The following RIMKLB variants were observed in gnomAD, a reference collection of about 807,000 sequenced individuals.
The protein encoded by RIMKLB is beta-citrylglutamate synthase B.
In RIMKLB, 7 loss-of-function variants were observed where a neutral mutation model predicts 32.0. The ratio of observed to expected loss-of-function variants is 0.22; its 90% confidence interval spans 0.12 to 0.41. RIMKLB has a LOEUF of 0.41. Ranked by LOEUF, RIMKLB falls within the 10% of genes least tolerant of loss-of-function variation. The probability of loss-of-function intolerance (pLI) is 1.00; values close to 1 mark genes in which losing one functional copy is unlikely to be tolerated. For missense variants in RIMKLB, 289 were observed against 498.7 expected, an observed-to-expected ratio of 0.58 and a Z score of 4.00; for synonymous variants, 172 against 185.1, an observed-to-expected ratio of 0.93 and a Z score of 0.57.
intron 2 of RIMKLB, among the ~76,000 whole-genome samples, chr12:8,723,180 G>A (rs540122441): frequency 6.6e-6 from 1 of 152,148 alleles, no homozygotes; most frequent in African/African-American, 2.4e-5. Flanking sequence ...TCAATTTAAA[G>A]TAAGAGATTG....
chr12:8,707,229 C>T (rs1223822772), intron 1 of RIMKLB, among the ~76,000 whole-genome samples: 9 of 152,130 alleles, frequency 5.9e-5, no homozygotes, highest in Admixed American at 4.6e-4. Flanking sequence ...AAAACGACCC[C>T]GTACCATGCC....
At chr12:8,708,946 G>T (rs1489963531) in intron 1 of RIMKLB, among the ~76,000 whole-genome samples, 1 of 152,136 alleles carries the variant, frequency 6.6e-6, no homozygotes, top group Non-Finnish European at 1.5e-5. Flanking sequence ...TTCAGCATCT[G>T]ATATTTATAC....
intron 2 of RIMKLB, among the ~76,000 whole-genome samples, chr12:8,718,669 ATG>A (rs1182850325): frequency 0.11 from 12,798 of 115,834 alleles, 587 homozygotes; most frequent in Middle Eastern, 0.18. Context: ...ATATATATAT[ATG>A]TGTGTGTGTG....
chr12:8,707,995 T>C lies in RIMKLB; in HGVS notation c.-56-5816T>C, dbSNP rs1202672563. Reference sequence around the variant, plus strand: ...ATTAACTGACAAATGGAATAAATGCTATTAAAATTCTATCGTATGTTACAA... The same window carrying C: ...ATTAACTGACAAATGGAATAAATGCCATTAAAATTCTATCGTATGTTACAA... On this transcript the variant is annotated intron_variant, in intron 1 of 5. Transcript: ENST00000535829. 2.6e-5 allele frequency among the ~76,000 whole-genome samples: 4 copies of C among 152,220 alleles called. No homozygotes were observed. The East Asian group carries it at 7.7e-4, about 29-fold the overall frequency.
chr12:8,719,556 A>G (rs1945230657), intron 2 of RIMKLB, among the ~76,000 whole-genome samples: 1 of 151,974 alleles, frequency 6.6e-6, no homozygotes, highest in Non-Finnish European at 1.5e-5. Flanking sequence ...TTTAGTAGAG[A>G]CGGGGTTTCA....
chr12:8,678,945 C>G (rs1302057402), upstream of RIMKLB: 1 of 152,130 alleles, frequency 6.6e-6, no homozygotes, highest in African/African-American at 2.4e-5. Flanking sequence ...CATGAAGAGG[C>G]TTGGTCAGGT....
chr12:8,720,881 T>A (rs1441422616), intron 2 of RIMKLB, among the ~76,000 whole-genome samples: 1 of 152,140 alleles, frequency 6.6e-6, no homozygotes, highest in Non-Finnish European at 1.5e-5. Flanking sequence ...GCCTATGGCC[T>A]TGTAGCTAGA....
At chr12:8,771,825 G>A (rs1950427946) in intron 5 of RIMKLB, among the ~76,000 whole-genome samples, 2 of 152,092 alleles carry the variant, frequency 1.3e-5, no homozygotes, top group Non-Finnish European at 1.5e-5. Flanking sequence ...CTCTCCATCT[G>A]TTTCTGTCCT....
intron 1 of RIMKLB, among the ~76,000 whole-genome samples, chr12:8,701,864 G>T (rs940762513): frequency 6.6e-6 from 1 of 151,842 alleles, no homozygotes; most frequent in Non-Finnish European, 1.5e-5. Context: ...AATTAGCCAG[G>T]TGTGGTGGTG....
At chr12:8,768,682 TG>T (rs1950167019) in intron 5 of RIMKLB, among the ~76,000 whole-genome samples, 3 of 152,286 alleles carry the variant, frequency 2.0e-5, no homozygotes, top group South Asian at 2.1e-4. Context: ...TAGTTCCTTT[TG>T]CAGTAATAGC....
chr12:8,710,909 GTTGAGGCCAGGAGT>G lies in RIMKLB; in HGVS notation c.-56-2896_-56-2883del, dbSNP rs1217112030. ...TTGGGAGGCCAAAGTGGGAGGATTGGTTGAGGCCAGGAGTTTGAGATCAGTCTGGGCAACGTAGT... is the reference window on the plus strand; with the variant it reads ...TTGGGAGGCCAAAGTGGGAGGATTGGTTGAGATCAGTCTGGGCAACGTAGT... On this transcript the variant is annotated intron_variant, in intron 1 of 5. Coordinates refer to ENST00000535829, the MANE Select transcript of RIMKLB (RefSeq NM_001297776.2). Among the ~76,000 whole-genome samples, 5 of 146,356 alleles carry G rather than the reference GTTGAGGCCAGGAGT, an allele frequency of 3.4e-5. No individual in the cohort carries two copies. The East Asian group carries it at 6.2e-4, about 18-fold the overall frequency.
rs1307479418 is a variant in RIMKLB at position 8,775,300 on chromosome 12, C to T, written c.*1516C>T. The T allele has an allele frequency of 9.1e-6, 9 of 985,400 alleles. No individual in the cohort carries two copies. The East Asian group carries it at 5.7e-4, about 62-fold the overall frequency. 61.0% of individuals were successfully genotyped at this position (985,400 alleles called of 1,614,324 possible). A position where few individuals can be genotyped will look rare whatever the true frequency, so the allele number is the denominator to read the frequency against. ...TAGCCCTACTCTTAAGCCTTCAATA[C>T]TGTCCACTCTTTATATTCCTTTACT... On this transcript the variant is annotated 3_prime_UTR_variant, in exon 6 of 6. Coordinates refer to ENST00000535829, the MANE Select transcript of RIMKLB (RefSeq NM_001297776.2).
At chr12:8,706,671 T>C (rs1943911420) in intron 1 of RIMKLB, among the ~76,000 whole-genome samples, 1 of 151,994 alleles carries the variant, frequency 6.6e-6, no homozygotes, top group South Asian at 2.1e-4. Context: ...CAGGCTAGTC[T>C]CAAACTCCTG....
At chr12:8,716,767 C>T (rs1194875502) in intron 2 of RIMKLB, among the ~76,000 whole-genome samples, 3 of 128,326 alleles carry the variant, frequency 2.3e-5, no homozygotes, top group Admixed American at 9.2e-5. Context: ...GACGGGGTCT[C>T]GCTCTGTCAC....
chr12:8,737,158 C>G (rs1325710931), intron 2 of RIMKLB, among the ~76,000 whole-genome samples: 1 of 151,906 alleles, frequency 6.6e-6, no homozygotes, highest in Non-Finnish European at 1.5e-5. Context: ...TCAAAAATAG[C>G]TATATCATTT....
At chr12:8,685,125 A>G (rs12300013) in intron 1 of RIMKLB, among the ~76,000 whole-genome samples, 7,261 of 152,054 alleles carry the variant, frequency 0.048, 510 homozygotes, top group African/African-American at 0.16. Context: ...ATCTGTACAC[A>G]TTTTATTTCC....
At chr12:8,769,424 C>G (rs779682316) in intron 5 of RIMKLB, among the ~76,000 whole-genome samples, 1 of 152,046 alleles carries the variant, frequency 6.6e-6, no homozygotes, top group Non-Finnish European at 1.5e-5. Flanking sequence ...TTTCTATAAG[C>G]AGTATATAGC....
intron 2 of RIMKLB, among the ~76,000 whole-genome samples, chr12:8,720,875 A>G (rs1945379967): frequency 6.6e-6 from 1 of 152,114 alleles, no homozygotes; most frequent in Admixed American, 6.6e-5. Flanking sequence ...AAGCTTGCCT[A>G]TGGCCTTGTA....
At chr12:8,777,800 C>A, downstream of RIMKLB, 1 of 713,148 alleles carries the variant, frequency 1.4e-6, no homozygotes, top group Non-Finnish European at 1.8e-6. Flanking sequence ...AGTCTGCCTA[C>A]AGGTAATTTA....
Sources: gnomAD v4.1 joint callset for allele counts (sites outside exome capture counted in the v4.1 genomes callset) on GRCh38, gnomAD v4.1.1 for gene constraint, MANE v1.5 for transcripts, NCBI Gene and HGNC (gene_info 2026-07-23, HGNC 2026-07-21) for gene names.